The following SOX6 variants were observed in gnomAD, a reference collection of about 807,000 sequenced individuals.
The protein encoded by SOX6 is transcription factor SOX-6.
In SOX6, 11 loss-of-function variants were observed where a neutral mutation model predicts 97.8. The observed-to-expected ratio is 0.11, with a 90% confidence interval of 0.07 to 0.19. SOX6 has a LOEUF of 0.19. SOX6 is among the 10% of genes least tolerant of loss of function. The pLI, the probability that SOX6 is intolerant of heterozygous loss-of-function variation, is 1.00. For missense variants in SOX6, 810 were observed against 1,039.5 expected, an observed-to-expected ratio of 0.78 and a Z score of 3.04; for synonymous variants, 360 against 371.4, an observed-to-expected ratio of 0.97 and a Z score of 0.35.
chr11:16,169,691 TCA>T (rs1407030513), intron 6 of SOX6, among the ~76,000 whole-genome samples: 2 of 152,090 alleles, frequency 1.3e-5, no homozygotes, highest in East Asian at 1.9e-4. Flanking sequence ...AAGAAAGGAT[TCA>T]CAGTGTTGCC....
chr11:16,626,229 A>G (rs1789240123), intron 3 of SOX6, among the ~76,000 whole-genome samples: 1 of 152,216 alleles, frequency 6.6e-6, no homozygotes, highest in Admixed American at 6.5e-5. Flanking sequence ...GTAGTGATGG[A>G]AACAGGAGTT....
chr11:16,529,487 A>C (rs1861211187), intron 4 of SOX6, among the ~76,000 whole-genome samples: 2 of 152,122 alleles, frequency 1.3e-5, no homozygotes, highest in Admixed American at 6.6e-5. Context: ...CAGGCATGAG[A>C]AGAAAACTGC....
chr11:16,569,032 A>G (rs1847908554), intron 4 of SOX6, among the ~76,000 whole-genome samples: 1 of 152,232 alleles, frequency 6.6e-6, no homozygotes, highest in South Asian at 2.1e-4. Context: ...TGCAAGGTGG[A>G]TCAGCATGTA....
intron 6 of SOX6, among the ~76,000 whole-genome samples, chr11:16,138,381 T>C (rs569508963): frequency 9.9e-5 from 15 of 152,234 alleles, no homozygotes; most frequent in South Asian, 2.1e-4. Flanking sequence ...TCTGATGCCT[T>C]CACTTTTGTT....
At chr11:16,533,362 G>T (rs995389424) in intron 4 of SOX6, among the ~76,000 whole-genome samples, 1 of 151,716 alleles carries the variant, frequency 6.6e-6, no homozygotes, top group Non-Finnish European at 1.5e-5. Context: ...ACAAAATGGA[G>T]AATTAATAGA....
At chr11:16,308,235 G>A (rs1025027434) in intron 3 of SOX6, among the ~76,000 whole-genome samples, 3 of 152,114 alleles carry the variant, frequency 2.0e-5, no homozygotes, top group Non-Finnish European at 4.4e-5. Context: ...CATAATGAAA[G>A]AAAATGAATC....
rs1169233465 is a variant in SOX6, at chr11:16,132,440, AGAAAAAAGAAAG to A, written c.778-20529_778-20518del. On this transcript the variant is annotated intron_variant, in intron 6 of 15. Transcript: ENST00000683767. ...AAGAAAGAAAGAAAGAAAGAAAGAA[AGAAAAAAGAAAG>A]AAAGAAAGAAAGAAAGAAAGAAAGA... 1.6e-3 allele frequency among the ~76,000 whole-genome samples: 162 copies of A among 100,092 alleles called. 2 individuals are homozygous for A. The highest frequency in any genetic ancestry group is 5.3e-3 in the African/African-American group (115 of 21,578). The allele number at this position is 100,092 out of a possible 152,430, so 65.7% of individuals were successfully genotyped here. A position where few individuals can be genotyped will look rare whatever the true frequency, so the allele number is the denominator to read the frequency against.
intron 1 of SOX6, among the ~76,000 whole-genome samples, chr11:16,425,105 T>G (rs1859099042): frequency 6.6e-6 from 1 of 152,246 alleles, no homozygotes; most frequent in Non-Finnish European, 1.5e-5. Flanking sequence ...AGCAAATTTA[T>G]ATTGAGCCAC....
intron 6 of SOX6, among the ~76,000 whole-genome samples, chr11:16,117,682 T>C (rs767425980): frequency 6.6e-6 from 1 of 152,164 alleles, no homozygotes; most frequent in Non-Finnish European, 1.5e-5. Flanking sequence ...AAGTTGTGTA[T>C]TAAAGTCACT....
intron 1 of SOX6, among the ~76,000 whole-genome samples, chr11:16,373,893 G>GAGGA (rs1857573829): frequency 8.4e-6 from 1 of 119,412 alleles, no homozygotes; most frequent in African/African-American, 3.3e-5. Flanking sequence ...GGAAGGGAGG[G>GAGGA]AGGGAGGAAG....
chr11:16,618,321 T>C (rs1848496665), intron 3 of SOX6, among the ~76,000 whole-genome samples: 1 of 151,972 alleles, frequency 6.6e-6, no homozygotes, highest in African/African-American at 2.4e-5. Flanking sequence ...TAGACTTAAG[T>C]CTATATTTAT....
intron 1 of SOX6, among the ~76,000 whole-genome samples, chr11:16,474,252 C>G (rs1860194866): frequency 6.6e-6 from 1 of 152,140 alleles, no homozygotes; most frequent in Admixed American, 6.5e-5. Flanking sequence ...AAATTTCTTT[C>G]AAATTCCTCT....
intron 4 of SOX6, among the ~76,000 whole-genome samples, chr11:16,551,703 A>G (rs899002809): frequency 4.6e-5 from 7 of 152,098 alleles, no homozygotes; most frequent in Non-Finnish European, 1.0e-4. Flanking sequence ...TCCCGGGTTC[A>G]AGCAATTCTC....
chr11:16,552,893 G>T (rs1269033692), intron 4 of SOX6, among the ~76,000 whole-genome samples: 1 of 152,018 alleles, frequency 6.6e-6, no homozygotes, highest in East Asian at 1.9e-4. Context: ...TGGAGAACCA[G>T]GAAAATTAAA....
intron 3 of SOX6, among the ~76,000 whole-genome samples, chr11:16,299,034 A>G (rs1855176836): frequency 6.6e-6 from 1 of 152,168 alleles, no homozygotes; most frequent in South Asian, 2.1e-4. Context: ...TTATTGTGTT[A>G]CTTATTTAGT....
intron 3 of SOX6, among the ~76,000 whole-genome samples, chr11:16,706,982 G>A (rs978724299): frequency 3.3e-5 from 5 of 151,988 alleles, no homozygotes; most frequent in South Asian, 4.1e-4. Flanking sequence ...TGCACACTGG[G>A]AATAGATGTA....
intron 3 of SOX6, among the ~76,000 whole-genome samples, chr11:16,239,488 G>A (rs1328741557): frequency 6.6e-6 from 1 of 151,942 alleles, no homozygotes; most frequent in African/African-American, 2.4e-5. Flanking sequence ...CCAAGAGTAC[G>A]AATCACTAAC....
intron 3 of SOX6, among the ~76,000 whole-genome samples, chr11:16,659,543 C>A (rs1046641943): frequency 2.6e-5 from 4 of 152,136 alleles, no homozygotes; most frequent in African/African-American, 7.2e-5. Context: ...ACTTTAGAAT[C>A]AGTTTCCTGA....
intron 1 of SOX6, among the ~76,000 whole-genome samples, chr11:16,471,510 G>C (rs892256613): frequency 1.3e-5 from 2 of 152,130 alleles, no homozygotes; most frequent in African/African-American, 4.8e-5. Flanking sequence ...ATAACTTTCT[G>C]CCTTAGATCA....
Sources: gnomAD v4.1 joint callset for allele counts (sites outside exome capture counted in the v4.1 genomes callset) on GRCh38, gnomAD v4.1.1 for gene constraint, MANE v1.5 for transcripts, NCBI Gene and HGNC (gene_info 2026-07-23, HGNC 2026-07-21) for gene names.